The following NEGR1 variants were observed in gnomAD, a reference collection of about 807,000 sequenced individuals.
The protein encoded by NEGR1 is IgLON family member 4.
Under a neutral mutation model 40.9 loss-of-function variants are expected in NEGR1, and 10 were observed. The observed-to-expected ratio is 0.24, with a 90% confidence interval of 0.15 to 0.42. The LOEUF (loss-of-function observed/expected upper bound fraction) is 0.42. Ranked by LOEUF, NEGR1 falls within the 10% of genes least tolerant of loss-of-function variation. The pLI is 1.00. For missense variants in NEGR1, 352 were observed against 438.9 expected (o/e 0.80, Z 1.77); for synonymous variants, 185 against 166.8 (o/e 1.11, Z -0.84).
intron 1 of NEGR1, among the ~76,000 whole-genome samples, chr1:72,279,367 C>T (rs1656168432): frequency 6.6e-6 from 1 of 152,174 alleles, no homozygotes; most frequent in Non-Finnish European, 1.5e-5. Flanking sequence ...AACAGAGTCA[C>T]TGACTGGCAT....
intron 1 of NEGR1, among the ~76,000 whole-genome samples, chr1:72,254,483 A>G (rs974226660): frequency 2.6e-5 from 4 of 152,094 alleles, no homozygotes; most frequent in African/African-American, 7.2e-5. Flanking sequence ...CGGGCGGATC[A>G]CGAGGTCAGG....
intron 1 of NEGR1, among the ~76,000 whole-genome samples, chr1:72,011,488 C>G (rs1646656865): frequency 6.6e-6 from 1 of 151,966 alleles, no homozygotes; most frequent in African/African-American, 2.4e-5. Flanking sequence ...GTTAAACCAC[C>G]TAATGGAAAT....
At chr1:72,115,430 C>A (rs1649544824) in intron 1 of NEGR1, among the ~76,000 whole-genome samples, 1 of 151,602 alleles carries the variant, frequency 6.6e-6, no homozygotes, top group South Asian at 2.1e-4. Flanking sequence ...TGTAGAAAGT[C>A]CTATTCAGCG....
intron 2 of NEGR1, among the ~76,000 whole-genome samples, chr1:71,901,971 G>C (rs1054125494): frequency 1.3e-5 from 2 of 151,862 alleles, no homozygotes; most frequent in Non-Finnish European, 2.9e-5. Context: ...ACCTGGCCAA[G>C]ATATAAACAT....
At chr1:72,082,215 T>C (rs922471423) in intron 1 of NEGR1, among the ~76,000 whole-genome samples, 1 of 151,996 alleles carries the variant, frequency 6.6e-6, no homozygotes, top group African/African-American at 2.4e-5. Flanking sequence ...GCATGGAGGG[T>C]GGCAGGTGGG....
In NEGR1 at chr1:72,158,288, T is replaced by G. The variant is rs898289229; in HGVS notation, c.176+124031A>C. Among the ~76,000 whole-genome samples the G allele has an allele frequency of 2.0e-5, 3 of 152,212 alleles. No homozygotes were observed. In the East Asian group the frequency reaches 5.8e-4, roughly 29 times the overall value. ...ATAATATTCTGTAATATTGGCAAGC[T>G]GTAATGTCTCTTCAGTGACCTAATA... On this transcript the variant is annotated intron_variant, in intron 1 of 6. Transcript: ENST00000357731.
intron 1 of NEGR1, among the ~76,000 whole-genome samples, chr1:72,026,110 C>CA (rs1172589239): frequency 0.071 from 2,226 of 31,168 alleles, 439 homozygotes; most frequent in Middle Eastern, 0.21. Flanking sequence ...GACTCCGTCT[C>CA]AAAAAAAAAA....
intron 3 of NEGR1, among the ~76,000 whole-genome samples, chr1:71,767,620 G>A (rs1656176886): frequency 6.6e-6 from 1 of 152,148 alleles, no homozygotes; most frequent in Non-Finnish European, 1.5e-5. Flanking sequence ...GAAAAGTAAA[G>A]CCCATTTCAG....
chr1:72,063,407 G>A (rs533903950), intron 1 of NEGR1, among the ~76,000 whole-genome samples: 23 of 151,908 alleles, frequency 1.5e-4, no homozygotes, highest in South Asian at 2.1e-4. Context: ...AGTTATGTAC[G>A]GCGTAATGGA....
chr1:71,417,319 G>A (rs1646362882), intron 6 of NEGR1, among the ~76,000 whole-genome samples: 1 of 152,102 alleles, frequency 6.6e-6, no homozygotes, highest in African/African-American at 2.4e-5. Flanking sequence ...TGGAAGTATA[G>A]ATACATTGTT....
At chr1:72,200,417 A>G (rs1052028010) in intron 1 of NEGR1, among the ~76,000 whole-genome samples, 6 of 152,004 alleles carry the variant, frequency 3.9e-5, no homozygotes, top group African/African-American at 1.4e-4. Flanking sequence ...GGGCAGGAAC[A>G]GGAAACTAAA....
At chr1:71,908,139 C>A (rs1661328454) in intron 2 of NEGR1, among the ~76,000 whole-genome samples, 1 of 151,456 alleles carries the variant, frequency 6.6e-6, no homozygotes, top group East Asian at 1.9e-4. Context: ...TGCACATGTA[C>A]CTCATGAGTC....
chr1:71,956,573 C>A (rs1470692560), intron 1 of NEGR1, among the ~76,000 whole-genome samples: 1 of 151,916 alleles, frequency 6.6e-6, no homozygotes, highest in Non-Finnish European at 1.5e-5. Flanking sequence ...TCATCAAAGT[C>A]AAGGTGAGAA....
At chr1:71,747,748 A>G (rs1372540920) in intron 3 of NEGR1, among the ~76,000 whole-genome samples, 1 of 152,090 alleles carries the variant, frequency 6.6e-6, no homozygotes, top group Non-Finnish European at 1.5e-5. Flanking sequence ...TAATAGAAAC[A>G]ATCGAAGAGA....
At chr1:72,178,118 AT>A (rs1166542034) in intron 1 of NEGR1, among the ~76,000 whole-genome samples, 1 of 151,356 alleles carries the variant, frequency 6.6e-6, no homozygotes, top group Non-Finnish European at 1.5e-5. Context: ...TAAATTGCAT[AT>A]TTTTCCTTAT....
intron 1 of NEGR1, among the ~76,000 whole-genome samples, chr1:71,954,412 G>A (rs1221665949): frequency 6.6e-6 from 1 of 151,850 alleles, no homozygotes; most frequent in Non-Finnish European, 1.5e-5. Flanking sequence ...AAAAGTTTAG[G>A]AGAAAGGCTT....
chr1:72,134,349 G>A (rs1038020975), intron 1 of NEGR1, among the ~76,000 whole-genome samples: 5 of 151,664 alleles, frequency 3.3e-5, no homozygotes, highest in Admixed American at 2.0e-4. Flanking sequence ...GGGACTACAG[G>A]CGCCCGCCAC....
intron 4 of NEGR1, among the ~76,000 whole-genome samples, chr1:71,665,994 T>C (rs1652228393): frequency 6.6e-6 from 1 of 152,170 alleles, no homozygotes; most frequent in Non-Finnish European, 1.5e-5. Flanking sequence ...GTGCTTGATG[T>C]CTTGGATTCA....
At chr1:71,462,833 TAGAA>T (rs1646722584) in intron 6 of NEGR1, among the ~76,000 whole-genome samples, 1 of 152,138 alleles carries the variant, frequency 6.6e-6, no homozygotes, top group Admixed American at 6.6e-5. Context: ...TAAGAAGACT[TAGAA>T]AGATATGTTA....
Sources: allele counts gnomAD v4.1 joint callset (sites outside exome capture counted in the v4.1 genomes callset), GRCh38; gene constraint gnomAD v4.1.1; transcripts MANE v1.5; gene names NCBI Gene and HGNC (gene_info 2026-07-23, HGNC 2026-07-21).